The following MARCHF1 variants were observed in gnomAD, a reference collection of about 807,000 sequenced individuals.
MARCHF1 encodes E3 ubiquitin-protein ligase MARCHF1.
In MARCHF1, 40 loss-of-function variants were observed where a neutral mutation model predicts 54.2. The ratio of observed to expected loss-of-function variants is 0.74; its 90% CI spans 0.57 to 0.96. The LOEUF is 0.96. Ranked by LOEUF, MARCHF1 falls within the 40% of genes least tolerant of loss-of-function variation. The pLI is 0.00. For missense variants in MARCHF1, 586 were observed against 656.5 expected (o/e 0.89, Z 1.17); for synonymous variants, 236 against 236.3 (o/e 1.00, Z 0.01).
rs182149827 is a variant in MARCHF1 at position 164,320,203 on chromosome 4, T to G, written c.-323+63667A>C. On this transcript the variant is annotated intron_variant, in intron 1 of 9. Transcript: ENST00000514618. The stretch of plus-strand genomic sequence containing the variant: ...AAACGATATTTCTATCTTCCTGGTA[T>G]TAAGCATTCTACTTAGTTTGCCCAG... 5.3e-5 allele frequency among the ~76,000 whole-genome samples: 8 copies of G among 152,312 alleles called. No individual in the cohort carries two copies. In the East Asian group the frequency reaches 7.7e-4, roughly 15 times the overall value.
chr4:163,672,450 T>C (rs1177064820), intron 5 of MARCHF1, among the ~76,000 whole-genome samples: 1 of 152,156 alleles, frequency 6.6e-6, no homozygotes, highest in East Asian at 1.9e-4. Context: ...TTGTTATTCA[T>C]AATTTCCTTG....
At chr4:163,737,940 C>T (rs1339516147) in intron 4 of MARCHF1, among the ~76,000 whole-genome samples, 1 of 76,432 alleles carries the variant, frequency 1.3e-5, no homozygotes, top group Non-Finnish European at 4.6e-5. Context: ...AATCATGCTG[C>T]TCTAAAGACA....
At chr4:163,990,530 A>G (rs942067139) in intron 2 of MARCHF1, among the ~76,000 whole-genome samples, 2 of 152,218 alleles carry the variant, frequency 1.3e-5, no homozygotes, top group African/African-American at 4.8e-5. Flanking sequence ...ATTCATCATC[A>G]TACTTAAGCT....
chr4:163,852,941 A>T (rs1421256381), intron 4 of MARCHF1, among the ~76,000 whole-genome samples: 1 of 152,086 alleles, frequency 6.6e-6, no homozygotes, highest in Admixed American at 6.6e-5. Context: ...ATTATAGAAG[A>T]AGCCTGAGGG....
At chr4:163,821,511 T>C (rs1417769823) in intron 4 of MARCHF1, among the ~76,000 whole-genome samples, 1 of 151,922 alleles carries the variant, frequency 6.6e-6, no homozygotes, top group African/African-American at 2.4e-5. Context: ...GTAAAATCAC[T>C]AACACTATGA....
chr4:163,663,222 C>CTTTT (rs70948661), intron 5 of MARCHF1, among the ~76,000 whole-genome samples: 8 of 141,144 alleles, frequency 5.7e-5, no homozygotes, highest in African/African-American at 2.1e-4. Context: ...TTTAAATCAT[C>CTTTT]TTTTTTTTTT....
intron 1 of MARCHF1, among the ~76,000 whole-genome samples, chr4:164,247,850 A>G (rs553549274): frequency 1.4e-3 from 213 of 149,538 alleles, no homozygotes; most frequent in Non-Finnish European, 2.3e-3. Flanking sequence ...TGTATCTATC[A>G]TCTGCCAGTC....
chr4:164,347,568 A>G (rs2110868729), intron 1 of MARCHF1, among the ~76,000 whole-genome samples: 1 of 152,252 alleles, frequency 6.6e-6, no homozygotes, highest in East Asian at 1.9e-4. Context: ...TCCGTTTTCC[A>G]AAGTGGGCTA....
intron 1 of MARCHF1, among the ~76,000 whole-genome samples, chr4:164,161,539 T>TCAGCAGCAG (rs1255457067): frequency 1.3e-5 from 2 of 150,590 alleles, no homozygotes; most frequent in African/African-American, 4.9e-5. Context: ...ATCATCATCA[T>TCAGCAGCAG]CATCATCAGC....
chr4:164,365,066 T>A (rs1414950349), intron 1 of MARCHF1, among the ~76,000 whole-genome samples: 1 of 152,032 alleles, frequency 6.6e-6, no homozygotes, highest in Admixed American at 6.6e-5. Flanking sequence ...TGACATCCAG[T>A]TAACCAGGCT....
At chr4:163,732,306 G>T (rs1279609658) in intron 4 of MARCHF1, among the ~76,000 whole-genome samples, 1 of 151,912 alleles carries the variant, frequency 6.6e-6, no homozygotes, top group Non-Finnish European at 1.5e-5. Flanking sequence ...GATGTGCAGG[G>T]AAAATAATCA....
intron 4 of MARCHF1, among the ~76,000 whole-genome samples, chr4:163,712,575 C>A (rs544042731): frequency 2.6e-5 from 4 of 152,244 alleles, no homozygotes; most frequent in East Asian, 1.9e-4. Flanking sequence ...TCTCTTCTTG[C>A]GTCTTACTCC....
chr4:164,111,943 T>C (rs1408529867), intron 1 of MARCHF1, among the ~76,000 whole-genome samples: 2 of 151,852 alleles, frequency 1.3e-5, no homozygotes, highest in Non-Finnish European at 3.0e-5. Context: ...AAATAATCTC[T>C]TCTGGCATAA....
At chr4:163,729,662 C>G (rs534536666) in intron 4 of MARCHF1, among the ~76,000 whole-genome samples, 2 of 152,084 alleles carry the variant, frequency 1.3e-5, no homozygotes, top group African/African-American at 4.8e-5. Flanking sequence ...TATAACATTC[C>G]TTTATTAACT....
At chr4:164,067,137 T>C (rs1157432191) in intron 2 of MARCHF1, among the ~76,000 whole-genome samples, 1 of 152,086 alleles carries the variant, frequency 6.6e-6, no homozygotes, top group Non-Finnish European at 1.5e-5. Flanking sequence ...TTCAAAACAT[T>C]ATTTGATCAT....
intron 8 of MARCHF1, among the ~76,000 whole-genome samples, chr4:163,553,032 CAAA>C (rs778572383): frequency 4.7e-5 from 3 of 64,406 alleles, no homozygotes; most frequent in Admixed American, 1.5e-4. Context: ...GACTCCGTCT[CAAA>C]AAAAAAAAAA....
In MARCHF1 at chr4:164,242,417, C is replaced by A. The variant is rs1170396192; in HGVS notation, c.-322-130755G>T. Reference sequence around the variant, plus strand: ...TTCCAACAGACCTGCAGCTGAGGGTCCTGTCTGTTAGAAGGAAAACTAACA... The same window carrying A: ...TTCCAACAGACCTGCAGCTGAGGGTACTGTCTGTTAGAAGGAAAACTAACA... On this transcript the variant is annotated intron_variant, in intron 1 of 9. Coordinates refer to ENST00000514618, the MANE Select transcript of MARCHF1 (RefSeq NM_001394959.1). Among the ~76,000 whole-genome samples, 2 of 144,910 alleles carry A rather than the reference C, an allele frequency of 1.4e-5. 1 individual carries two copies. The highest frequency in any genetic ancestry group is 3.0e-5 in the Non-Finnish European group (2 of 66,484).
At chr4:163,800,404 A>AT (rs1400491057) in intron 4 of MARCHF1, among the ~76,000 whole-genome samples, 2 of 151,848 alleles carry the variant, frequency 1.3e-5, no homozygotes, top group Admixed American at 6.6e-5. Flanking sequence ...TTCTTTCAAC[A>AT]TTTTTTTGCT....
chr4:164,170,221 T>C (rs1254057444), intron 1 of MARCHF1, among the ~76,000 whole-genome samples: 1 of 152,174 alleles, frequency 6.6e-6, no homozygotes, highest in Non-Finnish European at 1.5e-5. Context: ...AAAAATTTAG[T>C]ATGCCATTCT....
Sources: gnomAD v4.1 joint callset for allele counts (sites outside exome capture counted in the v4.1 genomes callset) on GRCh38, gnomAD v4.1.1 for gene constraint, MANE v1.5 for transcripts, NCBI Gene and HGNC (gene_info 2026-07-23, HGNC 2026-07-21) for gene names.